The following PPP1R9A variants were observed in gnomAD, a reference collection of about 807,000 sequenced individuals.
The protein encoded by PPP1R9A is neurabin-1.
A neutral mutation model predicts 141.9 loss-of-function variants in PPP1R9A; 59 were observed. The observed-to-expected ratio is 0.42, with a 90% CI of 0.34 to 0.52. The LOEUF (loss-of-function observed/expected upper bound fraction) is 0.52. PPP1R9A is among the 20% of genes least tolerant of loss of function. The pLI, the probability that PPP1R9A is intolerant of heterozygous loss-of-function variation, is 0.10. For synonymous variants in PPP1R9A, 500 were observed against 569.7 expected, an observed-to-expected ratio of 0.88 and a Z score of 1.74; for missense variants, 1,444 against 1,611.9, an observed-to-expected ratio of 0.90 and a Z score of 1.78.
chr7:95,229,149 G>A (rs1463072425), intron 8 of PPP1R9A, among the ~76,000 whole-genome samples: 1 of 151,908 alleles, frequency 6.6e-6, no homozygotes, highest in Non-Finnish European at 1.5e-5. Context: ...GCAGGTAGGA[G>A]GGAGAACTGC....
chr7:95,000,361 T>C (rs1361406917), intron 2 of PPP1R9A, among the ~76,000 whole-genome samples: 1 of 152,204 alleles, frequency 6.6e-6, no homozygotes, highest in East Asian at 1.9e-4. Context: ...TGTAGATTTT[T>C]GCATGTACAC....
chr7:95,165,293 C>T (rs904276859), intron 5 of PPP1R9A, among the ~76,000 whole-genome samples: 16 of 152,218 alleles, frequency 1.1e-4, no homozygotes, highest in African/African-American at 3.6e-4. Context: ...ATAAAAGGCA[C>T]TGTGGCTTTC....
At chr7:95,174,672 A>G (rs1832643307) in intron 5 of PPP1R9A, among the ~76,000 whole-genome samples, 1 of 152,188 alleles carries the variant, frequency 6.6e-6, no homozygotes, top group African/African-American at 2.4e-5. Flanking sequence ...GAATTTCATT[A>G]GCAATCTCTA....
At chr7:95,247,599 AC>A (rs989362840) in intron 9 of PPP1R9A, 73 bp downstream of exon 9, 6 of 1,264,094 alleles carry the variant, frequency 4.7e-6, no homozygotes, top group Non-Finnish European at 6.8e-6. Flanking sequence ...CAATCCTAGG[AC>A]TAAAGGTTTT....
chr7:95,208,827 G>C (rs1176905405), intron 7 of PPP1R9A, among the ~76,000 whole-genome samples: 1 of 151,822 alleles, frequency 6.6e-6, no homozygotes, highest in Non-Finnish European at 1.5e-5. Context: ...ATACTTTTAA[G>C]ACAGTGAAAA....
intron 4 of PPP1R9A, among the ~76,000 whole-genome samples, chr7:95,122,979 C>T (rs1367398414): frequency 6.6e-6 from 1 of 150,950 alleles, no homozygotes; most frequent in Admixed American, 6.6e-5. Context: ...AAAGCCAAAC[C>T]AAAGTACAAC....
rs574189335 is a variant in PPP1R9A at position 95,133,446 on chromosome 7, A to G, written c.1649+12614A>G. Among the ~76,000 whole-genome samples, 8 of 150,488 alleles carry G rather than the reference A, an allele frequency of 5.3e-5. No homozygotes were observed. In the South Asian group the frequency reaches 1.7e-3, roughly 32 times the overall value. Reference sequence around the variant, plus strand: ...CTGACTCTAGTGCTTATACTTAAATAATATATTACTTTATATAATGTCATT... The same window carrying G: ...CTGACTCTAGTGCTTATACTTAAATGATATATTACTTTATATAATGTCATT... On this transcript the variant is annotated intron_variant, in intron 4 of 19. Coordinates refer to ENST00000433360, the MANE Select transcript of PPP1R9A (RefSeq NM_001166160.2).
At chr7:95,230,819 C>T (rs753161236) in intron 8 of PPP1R9A, among the ~76,000 whole-genome samples, 1 of 152,056 alleles carries the variant, frequency 6.6e-6, no homozygotes, top group Non-Finnish European at 1.5e-5. Flanking sequence ...AAGCATAAAT[C>T]TCACAGGACC....
chr7:95,217,391 C>T (rs992878872), intron 7 of PPP1R9A, among the ~76,000 whole-genome samples: 12 of 152,076 alleles, frequency 7.9e-5, no homozygotes, highest in Non-Finnish European at 1.6e-4. Flanking sequence ...TGAGGATATT[C>T]ACATCAATGT....
chr7:95,027,395 C>T (rs62467333), intron 2 of PPP1R9A, among the ~76,000 whole-genome samples: 9 of 152,108 alleles, frequency 5.9e-5, no homozygotes, highest in Non-Finnish European at 8.8e-5. Flanking sequence ...TGCTTCGGCT[C>T]GCCCCAAGTG....
In PPP1R9A at chr7:95,086,168, A is replaced by C. The variant is rs551208301; in HGVS notation, c.1396-25091A>C. On this transcript the variant is annotated intron_variant, in intron 2 of 19. Transcript: ENST00000433360. ...TATATACTCCACACCCAGTTTCCTCAATTGTTAACATCTTATGTTAGAATA... is the reference window on the plus strand; with the variant it reads ...TATATACTCCACACCCAGTTTCCTCCATTGTTAACATCTTATGTTAGAATA... 5.9e-5 allele frequency among the ~76,000 whole-genome samples: 9 copies of C among 152,090 alleles called. No individual in the cohort carries two copies. In the South Asian group the frequency reaches 1.9e-3, roughly 31 times the overall value.
At chr7:95,002,212 G>T (rs1348375813) in intron 2 of PPP1R9A, among the ~76,000 whole-genome samples, 12 of 152,130 alleles carry the variant, frequency 7.9e-5, no homozygotes, top group Non-Finnish European at 1.3e-4. Context: ...TAATGAGTGT[G>T]ATATTTTAAG....
At chr7:95,230,486 A>C (rs1795772633) in intron 8 of PPP1R9A, among the ~76,000 whole-genome samples, 1 of 152,078 alleles carries the variant, frequency 6.6e-6, no homozygotes, top group African/African-American at 2.4e-5. Context: ...CAACTTCTGG[A>C]AATCAAGGAC....
At chr7:94,908,143 A>AG (rs1790993184) in intron 1 of PPP1R9A, 1 of 128,160 alleles carries the variant, frequency 7.8e-6, no homozygotes, top group Non-Finnish European at 1.6e-5. Context: ...CGCTCGGGTA[A>AG]GGGGGAGGCT....
At position 94,910,750 on chromosome 7, in the gene PPP1R9A, G is replaced by T. The variant is rs141443113; in HGVS notation, c.637G>T (p.Asp213Tyr). ...ACTGAGTGCAGTATTTGAGAACACT[G>T]ATTCTCCCAGTGCCATCATTTCTGA... Reference protein sequence around the residue: ...SQLSAVFENTDSPSAIISEKA... With the variant: ...SQLSAVFENTYSPSAIISEKA... Residue 213 changes from aspartate to tyrosine, a missense_variant, in exon 2 of 20, where the codon GAT (aspartate) becomes TAT (tyrosine). By Grantham distance (160) the Asp-to-Tyr change is radical. Transcript: ENST00000433360. This position sits in a 1 kb window ranked among gnomAD's most constrained non-coding sequence, Gnocchi z 4.5. The T allele has an allele frequency of 6.8e-6, 11 of 1,614,102 alleles. No homozygotes were observed. The Admixed American group carries it at 1.5e-4, about 22-fold the overall frequency.
At position 94,995,148 on chromosome 7, in the gene PPP1R9A, A is replaced by C. The variant is rs576215228; in HGVS notation, c.1395+83640A>C. 2.6e-5 allele frequency among the ~76,000 whole-genome samples: 4 copies of C among 152,214 alleles called. No homozygotes were observed. In the South Asian group the frequency reaches 8.3e-4, roughly 32 times the overall value. ...TTGATATTTTTTTTCATTACTTTAA[A>C]GAAGTTGCTGCATTATCTTCTTGCT... On this transcript the variant is annotated intron_variant, in intron 2 of 19. Coordinates refer to ENST00000433360, the MANE Select transcript of PPP1R9A (RefSeq NM_001166160.2).
rs1554533981 is a variant in PPP1R9A, at chr7:95,159,939, A to AAG, written c.1650-1927_1650-1926insGA. Among the ~76,000 whole-genome samples the AAG allele has an allele frequency of 1.7e-3, 243 of 141,606 alleles. 1 individual carries two copies. Among genetic ancestry groups the AAG allele is most frequent in the African/African-American group, 4.5e-3 (176 of 39,126 alleles). The allele number at this position is 141,606 out of a possible 152,430, so 92.9% of individuals were successfully genotyped here. ...AGACATTGTCTCAAAAAAAAAAAAA[A>AAG]AAAGAAAGAAAGAAAGAAAAAATGT... On this transcript the variant is annotated intron_variant, in intron 4 of 19. Transcript: ENST00000433360.
intron 2 of PPP1R9A, among the ~76,000 whole-genome samples, chr7:95,054,685 C>T (rs1584462965): frequency 6.6e-6 from 1 of 152,122 alleles, no homozygotes; most frequent in East Asian, 1.9e-4. Flanking sequence ...CCATCTTCCA[C>T]ATCTGACCTT....
rs1000845509 is a variant in PPP1R9A at position 95,294,212 on chromosome 7, C to T, written c.*3909C>T. The T allele has an allele frequency of 6.6e-6, 1 of 150,892 alleles. No homozygotes were observed. Among genetic ancestry groups the T allele is most frequent in the African/African-American group, 2.4e-5 (1 of 40,968 alleles). 9.3% of individuals were successfully genotyped at this position (150,892 alleles called of 1,614,324 possible). A position where few individuals can be genotyped will look rare whatever the true frequency, so the allele number is the denominator to read the frequency against. Reference sequence around the variant, plus strand: ...TTTTTATTAAGGATGTACCTGTGCACTATTCTAAAGCTAAGCATTTAAGGA... The same window carrying T: ...TTTTTATTAAGGATGTACCTGTGCATTATTCTAAAGCTAAGCATTTAAGGA... On this transcript the variant is annotated 3_prime_UTR_variant, in exon 20 of 20. Transcript: ENST00000433360.
Sources: allele counts gnomAD v4.1 joint callset (sites outside exome capture counted in the v4.1 genomes callset), GRCh38; gene constraint gnomAD v4.1.1; non-coding constraint Gnocchi (gnomAD v3.1); transcripts MANE v1.5; gene names NCBI Gene and HGNC (gene_info 2026-07-23, HGNC 2026-07-21).